CLTB: variants seen among roughly 807,000 people sequenced by gnomAD.
CLTB encodes clathrin, light chain (Lcb).
A neutral mutation model predicts 30.5 loss-of-function variants in CLTB; 10 were observed. The ratio of observed to expected loss-of-function variants is 0.33; its 90% CI spans 0.20 to 0.56. The LOEUF (loss-of-function observed/expected upper bound fraction) is 0.56, where lower values mean the gene tolerates loss of function less well. Ranked by LOEUF, CLTB falls within the 20% of genes least tolerant of loss-of-function variation. CLTB has a pLI of 0.91. For synonymous variants in CLTB, 102 were observed against 120.3 expected (o/e 0.85, Z 1.00); for missense variants, 261 against 308.3 (o/e 0.85, Z 1.15).
Position 176,393,528 on chromosome 5 carries a change from C to T in CLTB, c.519-583G>A, listed in dbSNP as rs1581419778. On this transcript the variant is annotated intron_variant, in intron 5 of 5. Transcript: ENST00000310418. This position sits in a 1 kb window ranked among gnomAD's most constrained non-coding sequence, Gnocchi z 4.4. ...GATCTTTACAGCAAGACTTTCAAAG[C>T]CTTTCATGTGCTGTGTGCGTCGTGA... is the stretch of plus-strand genomic sequence containing the variant. Among the ~76,000 whole-genome samples the T allele has an allele frequency of 6.6e-6, 1 of 152,188 alleles. No homozygotes were observed. Among genetic ancestry groups the T allele is most frequent in the Admixed American group, 6.5e-5 (1 of 15,284 alleles).
At position 176,392,698 on chromosome 5, in the gene CLTB, C is replaced by T; in HGVS notation, c.*76G>A. ...TGTGGGTAGCAGCTGCTGCGAGTCT[C>T]CACCCCGACCAAAGCAGCTGCTCCT... On this transcript the variant is annotated 3_prime_UTR_variant, in exon 6 of 6. Transcript: ENST00000310418. The surrounding 1 kb of genome is among the most constrained non-coding windows in gnomAD (Gnocchi z 5.2). 6.5e-7 allele frequency: 1 copy of T among 1,542,322 alleles called. No homozygotes were observed. Among genetic ancestry groups the T allele is most frequent in the Non-Finnish European group, 8.9e-7 (1 of 1,126,710 alleles).
intron 2 of CLTB, among the ~76,000 whole-genome samples, chr5:176,400,801 C>T (rs1004270550): frequency 3.3e-5 from 5 of 152,226 alleles, no homozygotes; most frequent in East Asian, 3.8e-4. Context: ...TGTCCTACGG[C>T]GCCCACCTAT....
rs1757029884 is a variant in CLTB, at chr5:176,404,897, C to CA, written c.234+5359dup. Among the ~76,000 whole-genome samples the CA allele has an allele frequency of 2.0e-5, 3 of 152,364 alleles. No homozygotes were observed. In the South Asian group the frequency reaches 6.2e-4, roughly 32 times the overall value. ...AGAACCCCCTGCCAGTGTCCCCTCA[C>CA]AGTTGCATTCCCTAACTTTAGTGCA... On this transcript the variant is annotated intron_variant, in intron 2 of 5. Transcript: ENST00000310418.
chr5:176,414,006 C>T (rs1332073140), intron 1 of CLTB, among the ~76,000 whole-genome samples: 1 of 152,218 alleles, frequency 6.6e-6, no homozygotes, highest in Non-Finnish European at 1.5e-5. Flanking sequence ...ACTTGCCATC[C>T]AGACTGTAAG....
At chr5:176,411,271 T>G (rs1757415092) in intron 1 of CLTB, among the ~76,000 whole-genome samples, 1 of 149,638 alleles carries the variant, frequency 6.7e-6, no homozygotes, top group Non-Finnish European at 1.5e-5. Context: ...TTCAAACCAA[T>G]TGCCAGGGCT....
intron 5 of CLTB, among the ~76,000 whole-genome samples, chr5:176,395,114 A>C (rs1756458390): frequency 7.5e-6 from 1 of 133,398 alleles, no homozygotes. Flanking sequence ...CATCCCCACC[A>C]TCCCAGCCTG....
chr5:176,402,065 G>A (rs1323234315), intron 2 of CLTB, among the ~76,000 whole-genome samples: 3 of 152,206 alleles, frequency 2.0e-5, no homozygotes. Flanking sequence ...CACTTTGGGA[G>A]GCTGAGGCAG....
chr5:176,416,506 T>A lies in CLTB; in HGVS notation c.-143A>T. 1 of 547,670 alleles carries A rather than the reference T, an allele frequency of 1.8e-6. No individual in the cohort carries two copies. The highest frequency in any genetic ancestry group is 2.6e-6 in the Non-Finnish European group (1 of 385,102). The allele number at this position is 547,670 out of a possible 1,614,324, so 33.9% of individuals were successfully genotyped here. On this transcript the variant is annotated 5_prime_UTR_variant, in exon 1 of 6. Coordinates refer to ENST00000310418, the MANE Select transcript of CLTB (RefSeq NM_007097.5). ...GGACGGGCTTGGCGCGGACCGCACT[T>A]CCTCTCCGCCACCGGGCCCGGCTGG...
At chr5:176,396,793 C>T (rs1404497656) in intron 4 of CLTB, among the ~76,000 whole-genome samples, 1 of 152,178 alleles carries the variant, frequency 6.6e-6, no homozygotes, top group Non-Finnish European at 1.5e-5. Context: ...TCAGTGGCTC[C>T]CCACTGCCCA....
At chr5:176,398,907 A>T (rs530830601) in intron 2 of CLTB, among the ~76,000 whole-genome samples, 1 of 150,470 alleles carries the variant, frequency 6.6e-6, no homozygotes, top group Non-Finnish European at 1.5e-5. Context: ...CAATGGTGCA[A>T]TGTTGGTTCA....
chr5:176,412,661 T>C (rs1036536796), intron 1 of CLTB, among the ~76,000 whole-genome samples: 1 of 152,272 alleles, frequency 6.6e-6, no homozygotes, highest in South Asian at 2.1e-4. Flanking sequence ...CTTAATCCCA[T>C]GGAAATAATC....
At chr5:176,396,597 G>A in intron 4 of CLTB, 65 bp from the exon 5 acceptor site, 1 of 1,166,384 alleles carries the variant, frequency 8.6e-7, no homozygotes, top group Non-Finnish European at 1.3e-6. Context: ...AGACAGGCAG[G>A]CAGAAGGTTA....
rs751745810 is a variant in CLTB at position 176,397,609 on chromosome 5, G to A, written c.462C>T (p.Asn154=). 1.3e-6 allele frequency: 2 copies of A among 1,586,350 alleles called. No individual in the cohort carries two copies. Among genetic ancestry groups the A allele is most frequent in the East Asian group, 2.3e-5 (1 of 43,136 alleles). ...TCATGTCCCTACAGCCCTCTCACCG[G>A]TTGTTGATCTTGTTCTTCTCTACTT... The part of the protein sequence containing the change: ...SEQVEKNKIN[N]RIADKAFYQQ... The change falls in exon 4 of 6, where the codon AAC becomes AAT. Residue 154 remains asparagine, a splice_region_variant and synonymous_variant. Coordinates refer to ENST00000310418, the MANE Select transcript of CLTB (RefSeq NM_007097.5).
intron 2 of CLTB, among the ~76,000 whole-genome samples, chr5:176,405,358 C>T (rs149451015): frequency 0.01 from 1,587 of 151,778 alleles, 22 homozygotes; most frequent in African/African-American, 0.037. Flanking sequence ...GGCATGGTGG[C>T]CCTCCCTGTA....
chr5:176,408,052 G>C (rs1179926120), intron 2 of CLTB, among the ~76,000 whole-genome samples: 3 of 152,098 alleles, frequency 2.0e-5, no homozygotes. Flanking sequence ...CTGAGGGGAG[G>C]TTTAGCCCCA....
chr5:176,394,284 G>C (rs960547449), intron 5 of CLTB, among the ~76,000 whole-genome samples: 1 of 152,230 alleles, frequency 6.6e-6, no homozygotes, highest in Non-Finnish European at 1.5e-5. Flanking sequence ...CATGACGACA[G>C]AGCCTGTCAG....
chr5:176,412,881 G>A (rs1757515575), intron 1 of CLTB, among the ~76,000 whole-genome samples: 1 of 152,094 alleles, frequency 6.6e-6, no homozygotes, highest in Non-Finnish European at 1.5e-5. Flanking sequence ...TCCTCTAGCA[G>A]GGCCTCACGT....
intron 4 of CLTB, among the ~76,000 whole-genome samples, chr5:176,396,950 G>GC: frequency 6.6e-6 from 1 of 151,964 alleles, no homozygotes; most frequent in South Asian, 2.1e-4. Flanking sequence ...CCTACCTCCT[G>GC]CCCTTTTTTC....
At chr5:176,401,243 C>T (rs1756802948) in intron 2 of CLTB, among the ~76,000 whole-genome samples, 1 of 152,236 alleles carries the variant, frequency 6.6e-6, no homozygotes, top group South Asian at 2.1e-4. Flanking sequence ...CAGACAACTG[C>T]ACTGTTACTT....
Sources: allele counts gnomAD v4.1 joint callset (sites outside exome capture counted in the v4.1 genomes callset), GRCh38; gene constraint gnomAD v4.1.1; non-coding constraint Gnocchi (gnomAD v3.1); transcripts MANE v1.5; gene names NCBI Gene and HGNC (gene_info 2026-07-23, HGNC 2026-07-21).